The following TP53BP2 variants were observed in gnomAD, a reference collection of about 807,000 sequenced individuals.
The protein encoded by TP53BP2 is apoptosis-stimulating of p53 protein 2.
Under a neutral mutation model 126.2 loss-of-function variants are expected in TP53BP2, and 62 were observed. The observed-to-expected ratio is 0.49, with a 90% CI of 0.40 to 0.61. TP53BP2 has a LOEUF of 0.61. TP53BP2 is among the 20% of genes least tolerant of loss of function. TP53BP2 has a pLI of 0.00. For missense variants in TP53BP2, 1,215 were observed against 1,402.8 expected, an observed-to-expected ratio of 0.87 and a Z score of 2.14; for synonymous variants, 485 against 502.9, an observed-to-expected ratio of 0.96 and a Z score of 0.48.
At chr1:223,801,267 A>G (rs1036218889) in intron 9 of TP53BP2, among the ~76,000 whole-genome samples, 14 of 152,260 alleles carry the variant, frequency 9.2e-5, no homozygotes, top group Admixed American at 3.3e-4. Context: ...TTAAATTTCA[A>G]AAGCCACTGC....
intron 3 of TP53BP2, among the ~76,000 whole-genome samples, chr1:223,812,782 T>C (rs1256096007): frequency 6.6e-6 from 1 of 152,052 alleles, no homozygotes; most frequent in East Asian, 1.9e-4. Flanking sequence ...ATGGTCTGTC[T>C]CGATCTCCTG....
In TP53BP2 at chr1:223,837,497, T is replaced by C. The variant is rs1031460587; in HGVS notation, c.27+8157A>G. On this transcript the variant is annotated intron_variant, in intron 1 of 17. Coordinates refer to ENST00000343537, the MANE Select transcript of TP53BP2 (RefSeq NM_001031685.3). The stretch of plus-strand genomic sequence containing the variant: ...TTCCAACCCCGGGTAAGTGCTACTG[T>C]TTCTCCTCTCACCCCTGGGGCTTCT... Among the ~76,000 whole-genome samples, 3 of 152,112 alleles carry C rather than the reference T, an allele frequency of 2.0e-5. No homozygotes were observed. The South Asian group carries it at 6.2e-4, about 32-fold the overall frequency.
chr1:223,826,929 A>G (rs1049665748), intron 1 of TP53BP2, among the ~76,000 whole-genome samples: 4 of 152,108 alleles, frequency 2.6e-5, no homozygotes, highest in Non-Finnish European at 4.4e-5. Context: ...AGCCAGTAAG[A>G]CTCGCTTGGT....
rs11327599 is a variant in TP53BP2 at position 223,831,760 on chromosome 1, T to TA, written c.28-10394dup. ...AAGAGAAGGAAAGTCGAAGGAAAGA[T>TA]AAAAAAAAAAAAAAAACACTGTGTT... On this transcript the variant is annotated intron_variant, in intron 1 of 17. Coordinates refer to ENST00000343537, the MANE Select transcript of TP53BP2 (RefSeq NM_001031685.3). 2.8e-3 allele frequency among the ~76,000 whole-genome samples: 343 copies of TA among 121,594 alleles called. 2 individuals carry two copies. The highest frequency in any genetic ancestry group is 0.01 in the South Asian group (37 of 3,630). The allele number at this position is 121,594 out of a possible 152,430, so 79.8% of individuals were successfully genotyped here. A position where few individuals can be genotyped will look rare whatever the true frequency, so the allele number is the denominator to read the frequency against.
intron 15 of TP53BP2, among the ~76,000 whole-genome samples, chr1:223,791,517 G>A (rs966280286): frequency 5.3e-5 from 8 of 152,162 alleles, no homozygotes; most frequent in South Asian, 2.1e-4. Context: ...AAGGGAGACC[G>A]TCACAATAAA....
Position 223,828,052 on chromosome 1 carries a change from G to T in TP53BP2, c.28-6685C>A, listed in dbSNP as rs1473659367. Among the ~76,000 whole-genome samples the T allele has an allele frequency of 2.0e-5, 3 of 152,224 alleles. No individual in the cohort carries two copies. The East Asian group carries it at 5.8e-4, about 29-fold the overall frequency. Reference sequence around the variant, plus strand: ...CATGTTGAAAATTTTACTTAGAAAAGAAATTTTAGGCTACTCTATCAACTA... The same window carrying T: ...CATGTTGAAAATTTTACTTAGAAAATAAATTTTAGGCTACTCTATCAACTA... On this transcript the variant is annotated intron_variant, in intron 1 of 17. Transcript: ENST00000343537.
At chr1:223,842,742 A>T (rs1664144493) in intron 1 of TP53BP2, among the ~76,000 whole-genome samples, 1 of 152,222 alleles carries the variant, frequency 6.6e-6, no homozygotes, top group African/African-American at 2.4e-5. Flanking sequence ...AAAGATATCT[A>T]ATGTAATTTT....
chr1:223,793,505 GGGAA>G, intron 13 of TP53BP2, 65 bp from the exon 14 acceptor site: 2 of 1,414,870 alleles, frequency 1.4e-6, no homozygotes, highest in Non-Finnish European at 1.9e-6. Flanking sequence ...AGCAGCAAAT[GGGAA>G]GGAATGACTT....
chr1:223,786,827 C>T (rs1558087541), intron 16 of TP53BP2, among the ~76,000 whole-genome samples: 1 of 151,960 alleles, frequency 6.6e-6, no homozygotes, highest in African/African-American at 2.4e-5. Flanking sequence ...AGAATGGTCT[C>T]GATCTCCTGA....
chr1:223,833,990 G>C (rs1355536195), intron 1 of TP53BP2, among the ~76,000 whole-genome samples: 1 of 152,168 alleles, frequency 6.6e-6, no homozygotes, highest in East Asian at 1.9e-4. Flanking sequence ...TTTGAGCTGA[G>C]ACTGAAGAAG....
intron 1 of TP53BP2, among the ~76,000 whole-genome samples, chr1:223,832,060 C>A (rs1663753822): frequency 6.6e-6 from 1 of 151,526 alleles, no homozygotes; most frequent in South Asian, 2.1e-4. Context: ...AAAAAAAAAA[C>A]TGATTAGGGC....
intron 1 of TP53BP2, among the ~76,000 whole-genome samples, chr1:223,841,866 G>A (rs115788141): frequency 0.017 from 2,610 of 151,188 alleles, 82 homozygotes; most frequent in African/African-American, 0.06. Context: ...ATTAAACTAT[G>A]ATCACTTCAA....
rs560945884 is a variant in TP53BP2, at chr1:223,841,739, A to AT, written c.27+3914dup. On this transcript the variant is annotated intron_variant, in intron 1 of 17. Transcript: ENST00000343537. Reference sequence around the variant, plus strand: ...GCTAAAGGAGATACTGTAATATCCCATTTTTTTCCTAGACCCTCAAAATTA... The same window carrying AT: ...GCTAAAGGAGATACTGTAATATCCCATTTTTTTTCCTAGACCCTCAAAATTA... Among the ~76,000 whole-genome samples the AT allele has an allele frequency of 7.0e-3, 1,059 of 152,194 alleles. 21 individuals are homozygous for AT. Among genetic ancestry groups the AT allele is most frequent in the African/African-American group, 0.024 (1,001 of 41,522 alleles).
intron 2 of TP53BP2, among the ~76,000 whole-genome samples, chr1:223,818,951 G>A (rs962992917): frequency 2.0e-5 from 3 of 151,688 alleles, no homozygotes; most frequent in Non-Finnish European, 2.9e-5. Context: ...TTGGGAGGCC[G>A]AGGTGGCGGA....
chr1:223,800,945 A>G, intron 9 of TP53BP2, 135 bp from the exon 10 acceptor site: 1 of 595,484 alleles, frequency 1.7e-6, no homozygotes, highest in Non-Finnish European at 2.9e-6. Context: ...ATTTACTTAG[A>G]AAATACTGTA....
chr1:223,842,261 CTA>C (rs1429507313), intron 1 of TP53BP2, among the ~76,000 whole-genome samples: 2 of 152,298 alleles, frequency 1.3e-5, no homozygotes, highest in African/African-American at 4.8e-5. Flanking sequence ...TTAAAACCAT[CTA>C]TATAAGGGCT....
intron 2 of TP53BP2, among the ~76,000 whole-genome samples, chr1:223,815,607 G>A (rs986192500): frequency 2.0e-5 from 3 of 152,156 alleles, no homozygotes; most frequent in Non-Finnish European, 4.4e-5. Flanking sequence ...CAAGCTCTAG[G>A]CTAACATCCC....
chr1:223,789,942 C>A (rs909705758), intron 15 of TP53BP2, among the ~76,000 whole-genome samples: 6 of 152,052 alleles, frequency 3.9e-5, no homozygotes, highest in African/African-American at 1.2e-4. Flanking sequence ...GATTTAGTTT[C>A]TTTACTCTTT....
chr1:223,802,910 G>A lies in TP53BP2; in HGVS notation c.832-15C>T. Reference sequence around the variant, plus strand: ...TTGTTTCTTAGCTGAATAAAAGAGAGGGGAAAAAAGGTAGCCAAGGAGTAG... The same window carrying A: ...TTGTTTCTTAGCTGAATAAAAGAGAAGGGAAAAAAGGTAGCCAAGGAGTAG... On this transcript the variant is annotated splice_polypyrimidine_tract_variant and intron_variant, in intron 7 of 17. Coordinates refer to ENST00000343537, the MANE Select transcript of TP53BP2 (RefSeq NM_001031685.3). The A allele has an allele frequency of 1.2e-6, 2 of 1,612,614 alleles. No individual in the cohort carries two copies. Among genetic ancestry groups the A allele is most frequent in the Non-Finnish European group, 8.5e-7 (1 of 1,179,596 alleles).
Sources: allele counts gnomAD v4.1 joint callset (sites outside exome capture counted in the v4.1 genomes callset), GRCh38; gene constraint gnomAD v4.1.1; transcripts MANE v1.5; gene names NCBI Gene and HGNC (gene_info 2026-07-23, HGNC 2026-07-21).